The following NCOA6 variants were observed in gnomAD, a reference collection of about 807,000 sequenced individuals.
NCOA6 encodes the protein nuclear receptor coactivator 6.
In NCOA6, 49 loss-of-function variants were observed where a neutral mutation model predicts 171.4. The ratio of observed to expected loss-of-function variants is 0.29; its 90% CI spans 0.23 to 0.36. The LOEUF is 0.36. Among genes scored for constraint, NCOA6 ranks in the 10% least tolerant of loss-of-function variants. NCOA6 has a pLI of 1.00. For synonymous variants in NCOA6, 910 were observed against 927.5 expected (o/e 0.98, Z 0.34); for missense variants, 2,248 against 2,554.5 (o/e 0.88, Z 2.59).
intron 10 of NCOA6, among the ~76,000 whole-genome samples, chr20:34,745,699 G>A (rs1311565951): frequency 6.6e-6 from 1 of 152,142 alleles, no homozygotes; most frequent in Non-Finnish European, 1.5e-5. Context: ...CATACCCTCT[G>A]TACACACAGG....
chr20:34,784,819 G>A (rs1180223503), intron 2 of NCOA6, among the ~76,000 whole-genome samples: 17 of 152,028 alleles, frequency 1.1e-4, no homozygotes, highest in Non-Finnish European at 2.5e-4. Flanking sequence ...GGTGGCTCAT[G>A]TCTGTAATCC....
intron 1 of NCOA6, among the ~76,000 whole-genome samples, chr20:34,807,207 G>A (rs1032267150): frequency 6.6e-6 from 1 of 152,176 alleles, no homozygotes; most frequent in African/African-American, 2.4e-5. Flanking sequence ...CCATCAGCCA[G>A]TGAGAAACCA....
intron 11 of NCOA6, among the ~76,000 whole-genome samples, chr20:34,738,271 G>A (rs2076018594): frequency 6.6e-6 from 1 of 152,120 alleles, no homozygotes; most frequent in Non-Finnish European, 1.5e-5. Flanking sequence ...TCACTTATAA[G>A]CAAAGTGAGT....
intron 1 of NCOA6, among the ~76,000 whole-genome samples, chr20:34,794,290 T>C (rs906109999): frequency 6.6e-6 from 1 of 152,102 alleles, no homozygotes; most frequent in African/African-American, 2.4e-5. Context: ...CAGTGAAACT[T>C]CATCTCTTAA....
chr20:34,791,363 G>C (rs1006993664), intron 2 of NCOA6, among the ~76,000 whole-genome samples: 14 of 152,182 alleles, frequency 9.2e-5, no homozygotes, highest in Non-Finnish European at 1.6e-4. Flanking sequence ...TATTCTCTAA[G>C]TAGGGAGCAG....
At chr20:34,724,485 A>G (rs1989733584) in intron 14 of NCOA6, among the ~76,000 whole-genome samples, 1 of 152,024 alleles carries the variant, frequency 6.6e-6, no homozygotes, top group Admixed American at 6.6e-5. Flanking sequence ...ATGATACTTG[A>G]CCGTTTCTCA....
chr20:34,715,463 C>A, intron 14 of NCOA6, 98 bp from the exon 15 acceptor site: 2 of 849,998 alleles, frequency 2.4e-6, no homozygotes, highest in Non-Finnish European at 2.0e-6. Context: ...AAGGGGAGCC[C>A]TACTCAACTC....
intron 4 of NCOA6, among the ~76,000 whole-genome samples, chr20:34,772,596 A>G (rs749799224): frequency 5.3e-5 from 8 of 150,998 alleles, no homozygotes; most frequent in Non-Finnish European, 8.8e-5. Flanking sequence ...AATAAAAACA[A>G]TAACTGGTGG....
intron 3 of NCOA6, among the ~76,000 whole-genome samples, chr20:34,778,148 C>T (rs548875811): frequency 3.0e-4 from 45 of 152,220 alleles, no homozygotes; most frequent in African/African-American, 8.9e-4. Flanking sequence ...CATGATCGCC[C>T]GCCTCGGCCT....
At chr20:34,788,969 C>A (rs2077776534) in intron 2 of NCOA6, among the ~76,000 whole-genome samples, 1 of 152,046 alleles carries the variant, frequency 6.6e-6, no homozygotes, top group African/African-American at 2.4e-5. Context: ...AAATAAATCT[C>A]TTTAGCAGGT....
chr20:34,813,264 G>A (rs1298207536), intron 1 of NCOA6, among the ~76,000 whole-genome samples: 7 of 151,696 alleles, frequency 4.6e-5, no homozygotes, highest in East Asian at 3.9e-4. Context: ...TCAGGAGTTC[G>A]AGACCATCTT....
intron 3 of NCOA6, among the ~76,000 whole-genome samples, chr20:34,779,975 A>G (rs761043847): frequency 6.6e-6 from 1 of 152,264 alleles, no homozygotes; most frequent in Non-Finnish European, 1.5e-5. Flanking sequence ...TGATTTGCTC[A>G]GAAGCCTGTG....
chr20:34,803,722 G>A (rs1168902106), intron 1 of NCOA6, among the ~76,000 whole-genome samples: 1 of 152,062 alleles, frequency 6.6e-6, no homozygotes, highest in Admixed American at 6.6e-5. Context: ...ACTGACGGGT[G>A]CAGAGGCTCA....
chr20:34,794,399 G>C (rs2077995312), intron 1 of NCOA6, among the ~76,000 whole-genome samples: 1 of 152,144 alleles, frequency 6.6e-6, no homozygotes, highest in Non-Finnish European at 1.5e-5. Flanking sequence ...CGTATGTATA[G>C]TGTTATGCAC....
chr20:34,792,829 G>T (rs183797666), intron 1 of NCOA6, among the ~76,000 whole-genome samples: 64 of 141,392 alleles, frequency 4.5e-4, no homozygotes, highest in South Asian at 3.1e-3. Flanking sequence ...ACCCAGGCTG[G>T]AGTGCAGTAA....
Position 34,783,187 on chromosome 20 carries a change from A to G in NCOA6, c.-49-783T>C, listed in dbSNP as rs8122769. Among the ~76,000 whole-genome samples the G allele has an allele frequency of 9.2e-3, 1,399 of 152,192 alleles. 27 individuals are homozygous for G. The highest frequency in any genetic ancestry group is 0.032 in the African/African-American group (1,329 of 41,518). ...TCCCAGCTACTAGGGAGGCTGAGGCAGGAGAATTGCTTGAATCCAGGAGGG... is the reference window on the plus strand; with the variant it reads ...TCCCAGCTACTAGGGAGGCTGAGGCGGGAGAATTGCTTGAATCCAGGAGGG... On this transcript the variant is annotated intron_variant, in intron 2 of 14. Transcript: ENST00000359003.
chr20:34,817,313 T>G (rs1478479326), intron 1 of NCOA6, among the ~76,000 whole-genome samples: 1 of 151,970 alleles, frequency 6.6e-6, no homozygotes, highest in African/African-American at 2.4e-5. Flanking sequence ...AATATCTGTT[T>G]AAAGTATGAA....
rs71196757 is a variant in NCOA6, at chr20:34,722,054, C to CA, written c.6148+5204dup. Among the ~76,000 whole-genome samples the CA allele has an allele frequency of 1.6e-3, 103 of 63,406 alleles. 6 individuals are homozygous for CA. Among genetic ancestry groups the CA allele is most frequent in the East Asian group, 3.8e-3 (8 of 2,084 alleles). The allele number at this position is 63,406 out of a possible 152,430, so 41.6% of individuals were successfully genotyped here. Reference sequence around the variant, plus strand: ...TGGGTGACACAGTGAGACCCTGTCTCAAAAAAAAAAAAAAAAAAAAAAAAA... The same window carrying CA: ...TGGGTGACACAGTGAGACCCTGTCTCAAAAAAAAAAAAAAAAAAAAAAAAAA... On this transcript the variant is annotated intron_variant, in intron 14 of 14. Coordinates refer to ENST00000359003, the MANE Select transcript of NCOA6 (RefSeq NM_014071.5).
At chr20:34,782,034 G>A (rs2077528450) in intron 3 of NCOA6, 87 bp downstream of exon 3, 2 of 952,172 alleles carry the variant, frequency 2.1e-6, no homozygotes, top group South Asian at 1.8e-5. Context: ...AATTTAACAA[G>A]CTTGTTTTGT....
Sources: allele counts gnomAD v4.1 joint callset (sites outside exome capture counted in the v4.1 genomes callset), GRCh38; gene constraint gnomAD v4.1.1; transcripts MANE v1.5; gene names NCBI Gene and HGNC (gene_info 2026-07-23, HGNC 2026-07-21).